The following LARGE1 variants were observed in gnomAD, a reference collection of about 807,000 sequenced individuals.
LARGE1 encodes LARGE xylosyl- and glucuronyltransferase 1, also known as xylosyl- and glucuronyltransferase LARGE1.
In LARGE1, 43 loss-of-function variants were observed where a neutral mutation model predicts 87.6. The observed-to-expected ratio is 0.49, with a 90% CI of 0.38 to 0.63. The LOEUF (loss-of-function observed/expected upper bound fraction) is 0.63. LARGE1 is among the 30% of genes least tolerant of loss of function. The pLI, the probability that LARGE1 is intolerant of heterozygous loss-of-function variation, is 0.00. For synonymous variants in LARGE1, 434 were observed against 394.6 expected, an observed-to-expected ratio of 1.10 and a Z score of -1.18; for missense variants, 802 against 1,000.2, an observed-to-expected ratio of 0.80 and a Z score of 2.67.
the LARGE1 span, among the ~76,000 whole-genome samples, chr22:33,130,631 G>A: frequency 2.0e-5 from 3 of 152,040 alleles, no homozygotes; most frequent in Admixed American, 1.3e-4. Context: ...CAATAATGAG[G>A]CCACTAGCCC....
chr22:33,531,215 T>C (rs1241020948), intron 6 of LARGE1, among the ~76,000 whole-genome samples: 2 of 152,186 alleles, frequency 1.3e-5, no homozygotes, highest in African/African-American at 2.4e-5. Context: ...TGGAGTGCAA[T>C]GGCGCGATCT....
intron 2 of LARGE1, among the ~76,000 whole-genome samples, chr22:33,758,436 T>C (rs2084603254): frequency 1.3e-5 from 2 of 152,238 alleles, no homozygotes; most frequent in African/African-American, 4.8e-5. Flanking sequence ...CTGTTGCCTC[T>C]GTCATCCTAG....
rs563131058 is a variant in LARGE1, at chr22:33,191,901, G to A, written c.1731-25069C>T. Among the ~76,000 whole-genome samples the A allele has an allele frequency of 9.2e-5, 14 of 152,282 alleles. No homozygotes were observed. In the South Asian group the frequency reaches 2.9e-3, roughly 32 times the overall value. On this transcript the variant is annotated intron_variant, in intron 11 of 11. Coordinates refer to the LARGE1 transcript ENST00000608642. ...TTAATCATAGATTTTCCCCACTAGTGTATCAACACAGACTGAATCCTTAAA... is the reference window on the plus strand; with the variant it reads ...TTAATCATAGATTTTCCCCACTAGTATATCAACACAGACTGAATCCTTAAA...
chr22:33,263,926 G>A (rs1927784755), intron 11 of LARGE1, among the ~76,000 whole-genome samples: 1 of 152,206 alleles, frequency 6.6e-6, no homozygotes, highest in African/African-American at 2.4e-5. Context: ...GCTACTTACT[G>A]TTATGACTTT....
intron 7 of LARGE1, among the ~76,000 whole-genome samples, chr22:33,425,872 G>A (rs1445680922): frequency 1.3e-5 from 2 of 152,130 alleles, no homozygotes; most frequent in African/African-American, 4.8e-5. Flanking sequence ...GAGTAGCTGG[G>A]ACTACAGGCA....
chr22:33,452,779 C>A (rs1303232889), intron 6 of LARGE1, among the ~76,000 whole-genome samples: 2 of 152,306 alleles, frequency 1.3e-5, no homozygotes, highest in East Asian at 3.9e-4. Context: ...TTAAATACGA[C>A]CCCTTGAAAA....
rs532986204 is a variant in LARGE1, at chr22:33,385,937, A to C, written c.893-1633T>G. Among the ~76,000 whole-genome samples, 82 of 149,138 alleles carry C rather than the reference A, an allele frequency of 5.5e-4. 2 individuals are homozygous for C. Among genetic ancestry groups the C allele is most frequent in the African/African-American group, 2.0e-3 (82 of 41,126 alleles). On this transcript the variant is annotated intron_variant, in intron 7 of 14. Transcript: ENST00000397394. ...TTTCCCCAAATCACATACAAATGTC[A>C]ACTCTAAGCCTCTTTACTTATTCCA... is the stretch of plus-strand genomic sequence containing the variant.
chr22:33,343,169 C>A (rs1939351752), intron 9 of LARGE1, among the ~76,000 whole-genome samples: 1 of 152,102 alleles, frequency 6.6e-6, no homozygotes, highest in South Asian at 2.1e-4. Context: ...TGCTGTATCA[C>A]CCAGGCTGGA....
chr22:33,685,415 T>C (rs902996873), intron 2 of LARGE1, among the ~76,000 whole-genome samples: 4 of 152,162 alleles, frequency 2.6e-5, no homozygotes, highest in Admixed American at 6.5e-5. Context: ...TCATATTCCT[T>C]GGGAGCATTT....
At chr22:33,236,579 A>AT (rs1297596440) in intron 11 of LARGE1, among the ~76,000 whole-genome samples, 6 of 152,118 alleles carry the variant, frequency 3.9e-5, no homozygotes, top group African/African-American at 9.7e-5. Context: ...AAGTTTCATG[A>AT]TTTTTTCCGC....
At chr22:33,872,700 C>T (rs1383561143) in intron 1 of LARGE1, among the ~76,000 whole-genome samples, 1 of 152,092 alleles carries the variant, frequency 6.6e-6, no homozygotes, top group Non-Finnish European at 1.5e-5. Context: ...GAATTTGGAG[C>T]ACGGAAAAGA....
chr22:33,455,294 G>C (rs914932850), intron 6 of LARGE1, among the ~76,000 whole-genome samples: 1 of 152,168 alleles, frequency 6.6e-6, no homozygotes, highest in Non-Finnish European at 1.5e-5. Context: ...TCCACCACCT[G>C]GGCTGGGTGC....
chr22:33,693,463 A>G (rs2149344620), intron 2 of LARGE1, among the ~76,000 whole-genome samples: 1 of 152,360 alleles, frequency 6.6e-6, no homozygotes, highest in Non-Finnish European at 1.5e-5. Flanking sequence ...ATGTTAGGAA[A>G]GAGCTCTCAT....
intron 6 of LARGE1, among the ~76,000 whole-genome samples, chr22:33,528,073 C>T (rs2072001044): frequency 8.1e-6 from 1 of 123,916 alleles, no homozygotes; most frequent in Non-Finnish European, 1.6e-5. Context: ...GCAACAGATC[C>T]TTGTACAGAG....
the LARGE1 span, among the ~76,000 whole-genome samples, chr22:33,094,421 G>A: frequency 6.6e-6 from 1 of 151,846 alleles, no homozygotes; most frequent in African/African-American, 2.4e-5. Context: ...GCTCCTACAC[G>A]ATCCACTCTC....
At chr22:33,390,756 C>T (rs1014402314) in intron 7 of LARGE1, among the ~76,000 whole-genome samples, 1 of 150,586 alleles carries the variant, frequency 6.6e-6, no homozygotes, top group African/African-American at 2.4e-5. Context: ...GTGAGTGGCA[C>T]GATCTCAGCT....
At chr22:33,482,391 A>G (rs1488263242) in intron 6 of LARGE1, among the ~76,000 whole-genome samples, 1 of 152,126 alleles carries the variant, frequency 6.6e-6, no homozygotes, top group Non-Finnish European at 1.5e-5. Context: ...TTCTATGCTG[A>G]GCCTTGTTCC....
intron 9 of LARGE1, among the ~76,000 whole-genome samples, chr22:33,356,390 T>C (rs934390712): frequency 1.3e-5 from 2 of 152,200 alleles, no homozygotes; most frequent in African/African-American, 4.8e-5. Context: ...GATGTGAAGG[T>C]CAGGTACTAT....
chr22:33,808,830 T>TC (rs952225352), intron 1 of LARGE1, among the ~76,000 whole-genome samples: 4 of 152,104 alleles, frequency 2.6e-5, no homozygotes, highest in Non-Finnish European at 5.9e-5. Context: ...TAAACCTATT[T>TC]CCCCCTCAGC....
Sources: gnomAD v4.1 joint callset for allele counts (sites outside exome capture counted in the v4.1 genomes callset) on GRCh38, gnomAD v4.1.1 for gene constraint, MANE v1.5 for transcripts, NCBI Gene and HGNC (gene_info 2026-07-23, HGNC 2026-07-21) for gene names.